CNKSR3: variants seen among roughly 807,000 people sequenced by gnomAD.
CNKSR3 encodes the protein connector enhancer of kinase suppressor of ras 3.
CNKSR3 carries 36 observed loss-of-function variants against 67.7 expected under a neutral mutation model. The ratio of observed to expected loss-of-function variants is 0.53; its 90% CI spans 0.41 to 0.70. The LOEUF (loss-of-function observed/expected upper bound fraction) is 0.70, where lower values mean the gene tolerates loss of function less well. Among genes scored for constraint, CNKSR3 ranks in the 30% least tolerant of loss-of-function variants. The pLI, the probability that CNKSR3 is intolerant of heterozygous loss-of-function variation, is 0.00. For synonymous variants in CNKSR3, 281 were observed against 271.4 expected, an observed-to-expected ratio of 1.04 and a Z score of -0.35; for missense variants, 630 against 695.2, an observed-to-expected ratio of 0.91 and a Z score of 1.05.
chr6:154,423,370 T>A (rs1454832678), intron 7 of CNKSR3, among the ~76,000 whole-genome samples: 1 of 152,134 alleles, frequency 6.6e-6, no homozygotes, highest in African/African-American at 2.4e-5. Context: ...TTCAAGCGGA[T>A]CTCCCCCCTC....
chr6:154,506,742 T>A (rs748069282), intron 1 of CNKSR3, among the ~76,000 whole-genome samples: 1 of 152,246 alleles, frequency 6.6e-6, no homozygotes, highest in Non-Finnish European at 1.5e-5. Flanking sequence ...TAAAAGATCA[T>A]TTGCTTTGCA....
intron 1 of CNKSR3, among the ~76,000 whole-genome samples, chr6:154,503,358 G>A (rs1787035687): frequency 6.6e-6 from 1 of 152,110 alleles, no homozygotes; most frequent in Non-Finnish European, 1.5e-5. Context: ...GAGCATGGTG[G>A]CTCCCATCTG....
intron 1 of CNKSR3, among the ~76,000 whole-genome samples, chr6:154,475,398 AC>A (rs1293177845): frequency 2.0e-5 from 3 of 151,574 alleles, no homozygotes; most frequent in African/African-American, 7.3e-5. Context: ...GCAATAATCC[AC>A]CCTCATCCAT....
intron 5 of CNKSR3, among the ~76,000 whole-genome samples, chr6:154,431,804 T>C (rs1785374500): frequency 7.2e-6 from 1 of 138,278 alleles, no homozygotes. Context: ...AACATACTTG[T>C]AAGTTTCCTC....
intron 4 of CNKSR3, 75 bp downstream of exon 4, chr6:154,441,217 A>T: frequency 8.7e-7 from 1 of 1,155,434 alleles, no homozygotes; most frequent in Non-Finnish European, 1.2e-6. Context: ...TACCTGCATG[A>T]AAATCCTTTC....
chr6:154,408,310 A>AC (rs1340707549), intron 12 of CNKSR3, among the ~76,000 whole-genome samples: 1 of 152,214 alleles, frequency 6.6e-6, no homozygotes, highest in East Asian at 1.9e-4. Flanking sequence ...GGTGTGAGCC[A>AC]CCGCACCTGG....
At chr6:154,435,270 C>T (rs559446749) in intron 4 of CNKSR3, among the ~76,000 whole-genome samples, 16 of 152,268 alleles carry the variant, frequency 1.1e-4, no homozygotes, top group African/African-American at 3.6e-4. Context: ...GCTAGGGTTA[C>T]AGGCATTGGT....
chr6:154,486,302 T>C (rs140367926), intron 1 of CNKSR3, among the ~76,000 whole-genome samples: 5,073 of 149,306 alleles, frequency 0.034, 329 homozygotes, highest in African/African-American at 0.12. Context: ...TCTTTTTCTT[T>C]TTTTTTTTTT....
intron 4 of CNKSR3, among the ~76,000 whole-genome samples, chr6:154,439,805 T>C (rs901280321): frequency 2.0e-5 from 3 of 152,090 alleles, no homozygotes; most frequent in African/African-American, 7.2e-5. Context: ...AGTGGAAGGA[T>C]TGCTTGAGCA....
In CNKSR3 at chr6:154,389,942, G is replaced by C. The variant is rs1784588344; in HGVS notation, c.*16412C>G. 6.6e-6 allele frequency: 1 copy of C among 152,136 alleles called. No individual in the cohort carries two copies. The highest frequency in any genetic ancestry group is 2.4e-5 in the African/African-American group (1 of 41,426). The allele number at this position is 152,136 out of a possible 1,614,324, so 9.4% of individuals were successfully genotyped here. A position where few individuals can be genotyped will look rare whatever the true frequency, so the allele number is the denominator to read the frequency against. ...AAGACATTTCATTCCTGGGCTGTAA[G>C]ACTTAATATTGCTATTCTCCTTTTA... On this transcript the variant is annotated 3_prime_UTR_variant, in exon 13 of 13. Transcript: ENST00000607772.
intron 1 of CNKSR3, among the ~76,000 whole-genome samples, chr6:154,494,830 C>T (rs945382348): frequency 7.9e-5 from 12 of 152,196 alleles, no homozygotes. Flanking sequence ...AAGTGGCTCA[C>T]CCACCCAAAC....
Position 154,403,905 on chromosome 6 carries a change from T to A in CNKSR3, c.*2449A>T, listed in dbSNP as rs1160944650. The A allele has an allele frequency of 6.6e-6, 1 of 152,204 alleles. No individual in the cohort carries two copies. Among genetic ancestry groups the A allele is most frequent in the African/African-American group, 2.4e-5 (1 of 41,438 alleles). 9.4% of individuals were successfully genotyped at this position (152,204 alleles called of 1,614,324 possible). On this transcript the variant is annotated 3_prime_UTR_variant, in exon 13 of 13. Transcript: ENST00000607772. ...GCCTCCAGAGTGATTTAACTCATCATCCAGTGGAACTACAGCTCTTAGAGT... is the reference window on the plus strand; with the variant it reads ...GCCTCCAGAGTGATTTAACTCATCAACCAGTGGAACTACAGCTCTTAGAGT...
intron 1 of CNKSR3, among the ~76,000 whole-genome samples, chr6:154,454,189 G>T: frequency 6.6e-6 from 1 of 150,494 alleles, no homozygotes; most frequent in Non-Finnish European, 1.5e-5. Context: ...TTACTGACCG[G>T]GTAACCTGGA....
intron 1 of CNKSR3, among the ~76,000 whole-genome samples, chr6:154,477,340 G>A (rs1488765503): frequency 6.6e-6 from 1 of 151,098 alleles, no homozygotes; most frequent in Admixed American, 6.6e-5. Flanking sequence ...ATTTATTTTT[G>A]AGCAGAGTGA....
chr6:154,393,556 C>G lies in CNKSR3; in HGVS notation c.*12798G>C, dbSNP rs553376221. The G allele has an allele frequency of 2.6e-5, 4 of 152,188 alleles. No individual in the cohort carries two copies. In the South Asian group the frequency reaches 8.3e-4, roughly 31 times the overall value. 9.4% of individuals were successfully genotyped at this position (152,188 alleles called of 1,614,324 possible). The stretch of plus-strand genomic sequence containing the variant: ...TTTGTAATAATTATATGTATATATT[C>G]TTACTGCTAACCCTTAGGACTTTTT... On this transcript the variant is annotated 3_prime_UTR_variant, in exon 13 of 13. Transcript: ENST00000607772.
In CNKSR3 at chr6:154,393,480, G is replaced by A. The variant is rs548164730; in HGVS notation, c.*12874C>T. The A allele has an allele frequency of 1.3e-5, 2 of 152,250 alleles. No individual in the cohort carries two copies. The highest frequency in any genetic ancestry group is 2.9e-5 in the Non-Finnish European group (2 of 68,024). The allele number at this position is 152,250 out of a possible 1,614,324, so 9.4% of individuals were successfully genotyped here. A position where few individuals can be genotyped will look rare whatever the true frequency, so the allele number is the denominator to read the frequency against. On this transcript the variant is annotated 3_prime_UTR_variant, in exon 13 of 13. Transcript: ENST00000607772. ...CATATGGACCATCTGATTCTCTTTT[G>A]CAAAATGCCTTTTCGCTCGTTTTTG...
intron 1 of CNKSR3, among the ~76,000 whole-genome samples, chr6:154,455,705 A>C (rs1031137333): frequency 6.6e-6 from 1 of 152,216 alleles, no homozygotes; most frequent in African/African-American, 2.4e-5. Flanking sequence ...TATAGGCATA[A>C]GCCAACATGC....
intron 9 of CNKSR3, among the ~76,000 whole-genome samples, chr6:154,420,301 T>C (rs982105863): frequency 6.7e-6 from 1 of 150,038 alleles, no homozygotes; most frequent in Admixed American, 6.6e-5. Flanking sequence ...AGGAAGGGGA[T>C]TGGGGAATCC....
chr6:154,392,710 G>A lies in CNKSR3; in HGVS notation c.*13644C>T, dbSNP rs1180377843. On this transcript the variant is annotated 3_prime_UTR_variant, in exon 13 of 13. Coordinates refer to ENST00000607772, the MANE Select transcript of CNKSR3 (RefSeq NM_173515.4). Reference sequence around the variant, plus strand: ...TTGCTTCATTAGCATCGATGTTTGGGGAACAAGGAGCCCTTGCCTCCCCTG... The same window carrying A: ...TTGCTTCATTAGCATCGATGTTTGGAGAACAAGGAGCCCTTGCCTCCCCTG... 6.6e-6 allele frequency: 1 copy of A among 152,236 alleles called. No individual in the cohort carries two copies. Among genetic ancestry groups the A allele is most frequent in the Non-Finnish European group, 1.5e-5 (1 of 68,070 alleles). The allele number at this position is 152,236 out of a possible 1,614,324, so 9.4% of individuals were successfully genotyped here.
Sources: allele counts gnomAD v4.1 joint callset (sites outside exome capture counted in the v4.1 genomes callset), GRCh38; gene constraint gnomAD v4.1.1; transcripts MANE v1.5; gene names NCBI Gene and HGNC (gene_info 2026-07-23, HGNC 2026-07-21).